GRK3: variants seen among roughly 807,000 people sequenced by gnomAD.
GRK3 encodes G protein-coupled receptor kinase 3, also known as adrenergic, beta, receptor kinase 2.
A neutral mutation model predicts 95.7 loss-of-function variants in GRK3; 54 were observed. That is an observed-to-expected ratio of 0.56 (90% CI 0.45 to 0.71). The LOEUF (loss-of-function observed/expected upper bound fraction) is 0.71, where lower values mean the gene tolerates loss of function less well. Among genes scored for constraint, GRK3 ranks in the 30% least tolerant of loss-of-function variants. The pLI, the probability that GRK3 is intolerant of heterozygous loss-of-function variation, is 0.00. For synonymous variants in GRK3, 281 were observed against 290.8 expected (o/e 0.97, Z 0.34); for missense variants, 649 against 851.2 (o/e 0.76, Z 2.96).
At chr22:25,629,189 T>C (rs935270253) in intron 2 of GRK3, among the ~76,000 whole-genome samples, 4 of 152,104 alleles carry the variant, frequency 2.6e-5, no homozygotes, top group Non-Finnish European at 5.9e-5. Context: ...CTTCCAAGTG[T>C]GCTGCTTTCT....
intron 1 of GRK3, among the ~76,000 whole-genome samples, chr22:25,582,577 A>G (rs1243284906): frequency 6.6e-6 from 1 of 152,214 alleles, no homozygotes; most frequent in Admixed American, 6.5e-5. Flanking sequence ...AAAATAACCA[A>G]TATAATTTTG....
chr22:25,622,892 C>T (rs574295757), intron 2 of GRK3, among the ~76,000 whole-genome samples: 1 of 152,286 alleles, frequency 6.6e-6, no homozygotes, highest in East Asian at 1.9e-4. Context: ...TAAGTGTATA[C>T]ATAGTTTCTG....
At chr22:25,579,187 C>A (rs1265714959) in intron 1 of GRK3, among the ~76,000 whole-genome samples, 1 of 151,082 alleles carries the variant, frequency 6.6e-6, no homozygotes, top group East Asian at 1.9e-4. Context: ...GACACGCTCT[C>A]GCTCTGTCAC....
chr22:25,666,345 C>T (rs979527571), intron 5 of GRK3, among the ~76,000 whole-genome samples: 2 of 152,172 alleles, frequency 1.3e-5, no homozygotes, highest in African/African-American at 2.4e-5. Flanking sequence ...GAATCTATTT[C>T]GTCTCTTGAC....
At chr22:25,579,510 T>G (rs1932025349) in intron 1 of GRK3, among the ~76,000 whole-genome samples, 1 of 151,750 alleles carries the variant, frequency 6.6e-6, no homozygotes. Context: ...TCTCACTCTG[T>G]CCCCCAGGCT....
At chr22:25,618,888 C>T (rs1435778119) in intron 2 of GRK3, among the ~76,000 whole-genome samples, 5 of 152,130 alleles carry the variant, frequency 3.3e-5, no homozygotes, top group African/African-American at 1.2e-4. Flanking sequence ...CCAGCTCATC[C>T]TGGGATCCTC....
intron 1 of GRK3, 146 bp downstream of exon 1, chr22:25,565,299 C>T (rs1015535121): frequency 6.0e-5 from 26 of 431,050 alleles, no homozygotes; most frequent in Non-Finnish European, 1.0e-4. Context: ...GGGCCGGCCT[C>T]GTCGTTCCAG....
intron 9 of GRK3, 57 bp downstream of exon 9, chr22:25,678,972 G>T: frequency 8.3e-7 from 1 of 1,209,630 alleles, no homozygotes; most frequent in Non-Finnish European, 1.2e-6. Context: ...TTCATAGCAG[G>T]ATGATTTATT....
rs535580065 is a variant in GRK3, at chr22:25,673,885, T to C, written c.556-552T>C. 5.3e-5 allele frequency among the ~76,000 whole-genome samples: 8 copies of C among 152,138 alleles called. No individual in the cohort carries two copies. The South Asian group carries it at 1.0e-3, about 20-fold the overall frequency. On this transcript the variant is annotated intron_variant, in intron 7 of 20. Transcript: ENST00000324198. ...CATTTAGCCTTGTTTCACGCTCACA[T>C]GGCCAGCATGAGTCCTCTCTATTCA...
chr22:25,613,275 G>A (rs2084512571), intron 2 of GRK3, among the ~76,000 whole-genome samples: 1 of 151,810 alleles, frequency 6.6e-6, no homozygotes, highest in South Asian at 2.1e-4. Flanking sequence ...ACAGTGAAGG[G>A]CCTCCCCTGA....
intron 2 of GRK3, among the ~76,000 whole-genome samples, chr22:25,629,046 T>A (rs2084646771): frequency 6.6e-6 from 1 of 152,110 alleles, no homozygotes; most frequent in African/African-American, 2.4e-5. Flanking sequence ...TTTTAGCAAT[T>A]TTGAACTATA....
intron 2 of GRK3, among the ~76,000 whole-genome samples, chr22:25,627,853 A>G (rs763728172): frequency 3.3e-5 from 5 of 152,220 alleles, no homozygotes; most frequent in Admixed American, 6.5e-5. Flanking sequence ...TGTCAACGCC[A>G]GGAATGACAA....
intron 3 of GRK3, among the ~76,000 whole-genome samples, chr22:25,653,205 T>C (rs1343916399): frequency 6.6e-6 from 1 of 152,244 alleles, no homozygotes; most frequent in Non-Finnish European, 1.5e-5. Flanking sequence ...TCTATTTAAG[T>C]AATTACATTT....
In GRK3 at chr22:25,647,560, T is replaced by C. The variant is rs570937148; in HGVS notation, c.264+2895T>C. On this transcript the variant is annotated intron_variant, in intron 3 of 20. Coordinates refer to ENST00000324198, the MANE Select transcript of GRK3 (RefSeq NM_005160.4). ...TGGTGTTACTATATTTGTGGCCTTA[T>C]ATGATTATGAAGCTAGAACTACAGA... 2.7e-5 allele frequency: 42 copies of C among 1,562,204 alleles called. 1 individual carries two copies. The South Asian group carries it at 4.2e-4, about 16-fold the overall frequency.
rs1446749288 is a variant in GRK3, at chr22:25,727,244, G to T, written c.*4794G>T. 1 of 152,048 alleles carries T rather than the reference G, an allele frequency of 6.6e-6. No individual in the cohort carries two copies. The highest frequency in any genetic ancestry group is 1.5e-5 in the Non-Finnish European group (1 of 67,998). 9.4% of individuals were successfully genotyped at this position (152,048 alleles called of 1,614,324 possible). A position where few individuals can be genotyped will look rare whatever the true frequency, so the allele number is the denominator to read the frequency against. On this transcript the variant is annotated 3_prime_UTR_variant, in exon 21 of 21. Transcript: ENST00000324198. ...TCCCTCCTATGTAAAGTTTACTGGA[G>T]AGACTTGAATTACTTAAATTCATGT...
At chr22:25,661,736 C>T (rs556463613) in intron 4 of GRK3, 59 bp downstream of exon 4, 67 of 1,094,330 alleles carry the variant, frequency 6.1e-5, no homozygotes, top group Middle Eastern at 2.4e-4. Context: ...CCATGTTCAG[C>T]GTTTCCAGAA....
rs201071744 is a variant in GRK3 at position 25,668,416 on chromosome 22, G to C, written c.503+616G>C. Among the ~76,000 whole-genome samples, 16 of 152,260 alleles carry C rather than the reference G, an allele frequency of 1.1e-4. No homozygotes were observed. In the East Asian group the frequency reaches 2.9e-3, roughly 28 times the overall value. On this transcript the variant is annotated intron_variant, in intron 6 of 20. Transcript: ENST00000324198. ...CTTGGCTAATTTCTAGACAATATAC[G>C]TGATGATAATATCTCATGCTAGAGC... is the stretch of plus-strand genomic sequence containing the variant.
In GRK3 at chr22:25,699,698, TC is replaced by T. The variant is rs1414897098; in HGVS notation, c.1161-3811del. Reference sequence around the variant, plus strand: ...TATTTTCTTTTCTTTTCTTTTCTTTTCTTTTTTTTTTTTTTTTTGAGACGAA... The same window carrying T: ...TATTTTCTTTTCTTTTCTTTTCTTTTTTTTTTTTTTTTTTTTTGAGACGAA... On this transcript the variant is annotated intron_variant, in intron 13 of 20. Coordinates refer to ENST00000324198, the MANE Select transcript of GRK3 (RefSeq NM_005160.4). 6.0e-4 allele frequency among the ~76,000 whole-genome samples: 89 copies of T among 148,766 alleles called. 1 individual carries two copies. Among genetic ancestry groups the T allele is most frequent in the African/African-American group, 2.1e-3 (86 of 40,196 alleles).
intron 2 of GRK3, among the ~76,000 whole-genome samples, chr22:25,619,198 G>A (rs752866745): frequency 3.0e-4 from 45 of 152,148 alleles, no homozygotes; most frequent in Non-Finnish European, 3.1e-4. Flanking sequence ...ACCCATAACA[G>A]CACAGGTAAG....
Sources: gnomAD v4.1 joint callset for allele counts (sites outside exome capture counted in the v4.1 genomes callset) on GRCh38, gnomAD v4.1.1 for gene constraint, MANE v1.5 for transcripts, NCBI Gene and HGNC (gene_info 2026-07-23, HGNC 2026-07-21) for gene names.